ATAD2: variants seen among roughly 807,000 people sequenced by gnomAD.
ATAD2 encodes the protein ATPase family AAA domain containing 2.
ATAD2 carries 62 observed loss-of-function variants against 168.9 expected under a neutral mutation model. The observed-to-expected ratio is 0.37, with a 90% CI of 0.30 to 0.45. The LOEUF is 0.45. Ranked by LOEUF, ATAD2 falls within the 20% of genes least tolerant of loss-of-function variation. ATAD2 has a pLI of 1.00. For synonymous variants in ATAD2, 613 were observed against 571.6 expected (o/e 1.07, Z -1.03); for missense variants, 1,419 against 1,667.8 (o/e 0.85, Z 2.60).
intron 24 of ATAD2, among the ~76,000 whole-genome samples, chr8:123,329,069 G>A (rs1030220786): frequency 6.6e-6 from 1 of 151,968 alleles, no homozygotes; most frequent in Non-Finnish European, 1.5e-5. Flanking sequence ...CCAAAGTGCT[G>A]GGATTACAAG....
chr8:123,337,235 C>T (rs1827944550), intron 21 of ATAD2, among the ~76,000 whole-genome samples: 1 of 151,630 alleles, frequency 6.6e-6, no homozygotes, highest in Non-Finnish European at 1.5e-5. Flanking sequence ...TGGTGGCACA[C>T]GCCTGTAGTC....
Position 123,402,240 on chromosome 8 carries a change from G to A in ATAD2, c.-2281-1065C>T. The A allele has an allele frequency of 1.7e-6, 1 of 591,606 alleles. No homozygotes were observed. Among genetic ancestry groups the A allele is most frequent in the Non-Finnish European group, 3.1e-6 (1 of 327,414 alleles). The allele number at this position is 591,606 out of a possible 1,614,324, so 36.6% of individuals were successfully genotyped here. On this transcript the variant is annotated intron_variant, in intron 1 of 28. Coordinates refer to the ATAD2 transcript ENST00000521903. This position sits in a 1 kb window ranked among gnomAD's most constrained non-coding sequence, Gnocchi z 4.8. ...CCAGCTCCTTTCCAGGGAGAGAGGA[G>A]GCGAAGTTGTGAGGGGTCTGTGACC...
chr8:123,374,409 T>C (rs911746898), intron 2 of ATAD2, among the ~76,000 whole-genome samples: 48 of 152,120 alleles, frequency 3.2e-4, no homozygotes, highest in Non-Finnish European at 6.6e-4. Flanking sequence ...AAAGGCTTAG[T>C]TTCTTCAAAG....
At chr8:123,355,196 G>A (rs987411477) in intron 13 of ATAD2, among the ~76,000 whole-genome samples, 1 of 151,972 alleles carries the variant, frequency 6.6e-6, no homozygotes, top group African/African-American at 2.4e-5. Flanking sequence ...TTATCATCAA[G>A]TTTAAAAGGC....
chr8:123,372,738 T>C (rs960539008), intron 2 of ATAD2, 52 bp from the exon 3 acceptor site: 6 of 1,427,774 alleles, frequency 4.2e-6, no homozygotes, highest in Non-Finnish European at 5.7e-6. Context: ...AACTTTATTT[T>C]TATTTATTTA....
intron 25 of ATAD2, among the ~76,000 whole-genome samples, 195 bp from the exon 26 acceptor site, chr8:123,326,221 G>C (rs1827611431): frequency 6.6e-6 from 1 of 152,158 alleles, no homozygotes; most frequent in Non-Finnish European, 1.5e-5. Context: ...AGTTTGAGAA[G>C]TATGTTTCAT....
chr8:123,346,852 A>AGGGG, intron 16 of ATAD2, 102 bp from the exon 17 acceptor site: 1 of 1,290,978 alleles, frequency 7.7e-7, no homozygotes, highest in Non-Finnish European at 1.1e-6. Flanking sequence ...ATTTTTTCAA[A>AGGGG]GAATCAAAAA....
chr8:123,322,054 C>G (rs1364279355), intron 27 of ATAD2, among the ~76,000 whole-genome samples: 1 of 144,262 alleles, frequency 6.9e-6, no homozygotes, highest in East Asian at 2.0e-4. Flanking sequence ...GTAGCTTGAT[C>G]TTGGCTCACT....
chr8:123,375,830 TG>T (rs1359848629), intron 2 of ATAD2, among the ~76,000 whole-genome samples: 3 of 151,906 alleles, frequency 2.0e-5, no homozygotes, highest in Non-Finnish European at 4.4e-5. Flanking sequence ...AATTAGTGGC[TG>T]GGTGCAGTGG....
At chr8:123,412,972 T>C (rs1212254781) in intron 1 of ATAD2, among the ~76,000 whole-genome samples, 3 of 152,140 alleles carry the variant, frequency 2.0e-5, no homozygotes, top group Non-Finnish European at 4.4e-5. Flanking sequence ...GACCTCCTTT[T>C]CTTAGAGCAT....
At chr8:123,413,376 G>A (rs912080909) in intron 1 of ATAD2, among the ~76,000 whole-genome samples, 7 of 152,066 alleles carry the variant, frequency 4.6e-5, no homozygotes, top group Non-Finnish European at 7.4e-5. Context: ...GATGGTCAAC[G>A]GCTATGTTTA....
In ATAD2 at chr8:123,337,478, T is replaced by G. The variant is rs1012518382; in HGVS notation, c.3051+147A>C. The G allele has an allele frequency of 6.6e-5, 42 of 634,476 alleles. No individual in the cohort carries two copies. The African/African-American group carries it at 7.4e-4, about 11-fold the overall frequency. The allele number at this position is 634,476 out of a possible 1,614,324, so 39.3% of individuals were successfully genotyped here. On this transcript the variant is annotated intron_variant, in intron 21 of 27. Transcript: ENST00000287394. Reference sequence around the variant, plus strand: ...CGTTACCCTGCTCTTAAAGTCTACATGTGCTTAGGACACTAACCCGGTACA... The same window carrying G: ...CGTTACCCTGCTCTTAAAGTCTACAGGTGCTTAGGACACTAACCCGGTACA...
In ATAD2 at chr8:123,401,529, G is replaced by A. The variant is rs1422754803; in HGVS notation, c.-2281-354C>T. On this transcript the variant is annotated intron_variant, in intron 1 of 28. Coordinates refer to the ATAD2 transcript ENST00000521903. ...GAACCTGATTGATGCTGGTGTGGAC[G>A]GGCTGTGTGTGGGCATAGGCTGCGG... The A allele has an allele frequency of 8.3e-6, 13 of 1,561,448 alleles. No individual in the cohort carries two copies. The African/African-American group carries it at 9.5e-5, about 11-fold the overall frequency.
rs16898248 is a variant in ATAD2, at chr8:123,347,165, A to C, written c.2139T>G (p.Val713=). The C allele has an allele frequency of 5.3e-3, 8,527 of 1,614,180 alleles. 362 individuals carry two copies. In the African/African-American group the frequency reaches 0.099, roughly 19 times the overall value. Residue 713 remains valine (V), a synonymous_variant, in exon 16 of 28, where the codon GTT becomes GTG. Coordinates refer to ENST00000287394, the MANE Select transcript of ATAD2 (RefSeq NM_014109.4). The part of the protein sequence containing the change: ...TVVKPLLQNT[V]DKILEALQRV... The stretch of plus-strand genomic sequence containing the variant: ...TCTGCAGGGCTTCTAAAATCTTGTC[A>C]ACAGTGTTTTGCAGGAGTGGTTTCA...
chr8:123,322,939 T>C lies in ATAD2; in HGVS notation c.4130A>G (p.Gln1377Arg), dbSNP rs762916925. 6.2e-7 allele frequency: 1 copy of C among 1,611,964 alleles called. No homozygotes were observed. The highest frequency in any genetic ancestry group is 1.1e-5 in the South Asian group (1 of 90,396). The change falls in exon 27 of 28, where the codon CAG becomes CGG. Residue 1377 changes from glutamine (Q) to arginine (R), a missense_variant and splice_region_variant. By Grantham distance (43) the Gln-to-Arg change is conservative (BLOSUM62 1). This residue lies in a region of ATAD2 where 303 missense variants were observed against 304.3 expected (regional missense o/e 1.00). Transcript: ENST00000287394. ...RKDHDKTSLI[Q>R]KMEQEVENFS... is the part of the protein sequence containing the mutation. ...AAAAGTTTCCACTCAAGAGTTTACCTGAATAAGTGATGTTTTATCATGGTC... is the reference window on the plus strand; with the variant it reads ...AAAAGTTTCCACTCAAGAGTTTACCCGAATAAGTGATGTTTTATCATGGTC...
In ATAD2 at chr8:123,369,924, A is replaced by ATCT. The variant is rs374075349; in HGVS notation, c.827_828insAGA (p.Asp275_Asp276insGlu). 1,714 of 1,550,526 alleles carry ATCT rather than the reference A, an allele frequency of 1.1e-3. 14 individuals carry two copies. The African/African-American group carries it at 0.021, about 19-fold the overall frequency. ...CTTCTTCATCTTCATCATCTTCATC[A>ATCT]TCATCATCATCATCATCATCGTCAT... On this transcript the variant is annotated inframe_insertion, in exon 7 of 28. Coordinates refer to ENST00000287394, the MANE Select transcript of ATAD2 (RefSeq NM_014109.4).
Position 123,369,906 on chromosome 8 carries a change from A to G in ATAD2, c.846T>C (p.Asp282=), listed in dbSNP as rs777286955. 2 of 1,580,428 alleles carry G rather than the reference A, an allele frequency of 1.3e-6. No homozygotes were observed. The highest frequency in any genetic ancestry group is 8.6e-7 in the Non-Finnish European group (1 of 1,157,408). The change falls in exon 7 of 28, where the codon GAT becomes GAC. Residue 282 remains aspartate (D), a synonymous_variant. Transcript: ENST00000287394. ...DDDDDDEDDE[D]EEDGEEENQK... is the part of the protein sequence containing the mutation. ...GATTCTCTTCTTCTCCATCTTCTTC[A>G]TCTTCATCATCTTCATCATCATCAT... is the stretch of plus-strand genomic sequence containing the variant.
intron 19 of ATAD2, among the ~76,000 whole-genome samples, chr8:123,340,435 G>C (rs952534444): frequency 3.3e-5 from 5 of 152,200 alleles, no homozygotes; most frequent in Admixed American, 2.6e-4. Context: ...CACAGAATTA[G>C]TATATGATGT....
upstream of ATAD2, among the ~76,000 whole-genome samples, chr8:123,396,739 G>C (rs1245007701): frequency 6.6e-6 from 1 of 152,142 alleles, no homozygotes; most frequent in Non-Finnish European, 1.5e-5. Context: ...ATTTTGGCGC[G>C]GGACGGCGGC....
Sources: gnomAD v4.1 joint callset for allele counts (sites outside exome capture counted in the v4.1 genomes callset) on GRCh38, gnomAD v4.1.1 for gene constraint, gnomAD v4.1.1 regional missense constraint, Gnocchi (gnomAD v3.1) non-coding constraint, MANE v1.5 for transcripts, NCBI Gene and HGNC (gene_info 2026-07-23, HGNC 2026-07-21) for gene names.